The following NKTR variants were observed in gnomAD, a reference collection of about 807,000 sequenced individuals.
NKTR encodes the protein natural killer cell triggering receptor.
NKTR carries 67 observed loss-of-function variants against 156.3 expected under a neutral mutation model. The ratio of observed to expected loss-of-function variants is 0.43; its 90% confidence interval spans 0.35 to 0.53. The LOEUF is 0.53. Among genes scored for constraint, NKTR ranks in the 20% least tolerant of loss-of-function variants. NKTR has a pLI of 0.01. For missense variants in NKTR, 1,604 were observed against 1,730.9 expected, an observed-to-expected ratio of 0.93 and a Z score of 1.30; for synonymous variants, 640 against 596.6, an observed-to-expected ratio of 1.07 and a Z score of -1.06.
intron 6 of NKTR, chr3:42,629,921 A>G: frequency 1.0e-6 from 1 of 985,472 alleles, no homozygotes; most frequent in Non-Finnish European, 1.2e-6. Context: ...TTTTGCTGTC[A>G]GAAGGGATGG....
rs923134793 is a variant in NKTR at position 42,637,567 on chromosome 3, T to G, written c.1863T>G (p.Pro621=). 1 of 1,612,254 alleles carries G rather than the reference T, an allele frequency of 6.2e-7. No homozygotes were observed. Among genetic ancestry groups the G allele is most frequent in the African/African-American group, 1.3e-5 (1 of 74,714 alleles). Residue 621 remains proline, a synonymous_variant, in exon 13 of 17, where the codon CCT becomes CCG. Transcript: ENST00000232978. ...SDSPPPSRWK[P]GQKPWKPSYE... ...GTCCCCCCCCTTCAAGATGGAAGCCTGGACAGAAACCTTGGAAGCCCTCTT... is the reference window on the plus strand; with the variant it reads ...GTCCCCCCCCTTCAAGATGGAAGCCGGGACAGAAACCTTGGAAGCCCTCTT...
At chr3:42,629,517 C>A in intron 6 of NKTR, 1 of 982,196 alleles carries the variant, frequency 1.0e-6, no homozygotes, top group Non-Finnish European at 1.2e-6. Context: ...CTTAAAATTG[C>A]CTTAAAATGA....
chr3:42,607,525 A>C (rs542840048), intron 2 of NKTR, among the ~76,000 whole-genome samples: 1 of 152,242 alleles, frequency 6.6e-6, no homozygotes, highest in South Asian at 2.1e-4. Flanking sequence ...AAAAAGATGG[A>C]GACTGTTTTA....
At chr3:42,611,237 G>T (rs1706772128) in intron 2 of NKTR, 1 of 152,056 alleles carries the variant, frequency 6.6e-6, no homozygotes, top group Non-Finnish European at 1.5e-5. Context: ...TGTACTATCT[G>T]CAGGAAACCT....
At chr3:42,606,458 T>G (rs1405861700) in intron 2 of NKTR, among the ~76,000 whole-genome samples, 1 of 152,112 alleles carries the variant, frequency 6.6e-6, no homozygotes, top group Non-Finnish European at 1.5e-5. Flanking sequence ...GGCTTTCATA[T>G]TTAGGTATTG....
chr3:42,607,587 G>A (rs1438304752), intron 2 of NKTR, among the ~76,000 whole-genome samples: 1 of 152,106 alleles, frequency 6.6e-6, no homozygotes, highest in Non-Finnish European at 1.5e-5. Context: ...ATGCTTGAAT[G>A]AGATTCCTGG....
Position 42,647,693 on chromosome 3 carries a change from C to T in NKTR, c.*1718C>T, listed in dbSNP as rs140966748. On this transcript the variant is annotated 3_prime_UTR_variant, in exon 17 of 17. Transcript: ENST00000232978. ...TATATTAAAGGTTTCCAAAGGTTGC[C>T]TGCAAAGGAGAATATTACTACTAGT... 6.6e-6 allele frequency: 1 copy of T among 152,182 alleles called. No homozygotes were observed. The highest frequency in any genetic ancestry group is 2.4e-5 in the African/African-American group (1 of 41,516). 9.4% of individuals were successfully genotyped at this position (152,182 alleles called of 1,614,324 possible).
At chr3:42,644,084 G>T in intron 16 of NKTR, 81 bp downstream of exon 16, 1 of 798,728 alleles carries the variant, frequency 1.3e-6, no homozygotes. Flanking sequence ...TGGGCTGCTA[G>T]TGGAAGAGAA....
chr3:42,638,624 C>G lies in NKTR; in HGVS notation c.2920C>G (p.Pro974Ala). 6.2e-7 allele frequency: 1 copy of G among 1,613,400 alleles called. No homozygotes were observed. Among genetic ancestry groups the G allele is most frequent in the Non-Finnish European group, 8.5e-7 (1 of 1,179,854 alleles). ...CSNSENNRGK[P>A]QKHKHGSKEN... The stretch of plus-strand genomic sequence containing the variant: ...CAATTCGGAAAACAATAGGGGAAAG[C>G]CACAAAAGCACAAACATGGGTCAAA... The change falls in exon 13 of 17, where the codon CCA becomes GCA. Residue 974 changes from proline (P) to alanine (A), a missense_variant. Physicochemically the swap from Pro to Ala is conservative, Grantham distance 27. Coordinates refer to ENST00000232978, the MANE Select transcript of NKTR (RefSeq NM_005385.4).
intron 2 of NKTR, among the ~76,000 whole-genome samples, chr3:42,604,801 G>A (rs1430811727): frequency 6.7e-6 from 1 of 149,106 alleles, no homozygotes; most frequent in East Asian, 2.0e-4. Flanking sequence ...TGATTCTCGT[G>A]CCTCTGCCTC....
At chr3:42,628,347 T>G in intron 6 of NKTR, 1 of 985,410 alleles carries the variant, frequency 1.0e-6, no homozygotes, top group Non-Finnish European at 1.2e-6. Context: ...AGTTTTCATT[T>G]GAATTAAAAA....
chr3:42,643,317 T>TC lies in NKTR; in HGVS notation c.4143-20dup, dbSNP rs1342963455. 6 of 1,608,942 alleles carry TC rather than the reference T, an allele frequency of 3.7e-6. No individual in the cohort carries two copies. In the African/African-American group the frequency reaches 8.0e-5, roughly 22 times the overall value. On this transcript the variant is annotated intron_variant, in intron 14 of 16. Transcript: ENST00000232978. ...CCTGCCCTGATCTATAAGATGATGG[T>TC]CCTTCATGTGATTAATATTAGGACG... is the stretch of plus-strand genomic sequence containing the variant.
Position 42,621,439 on chromosome 3 carries a change from T to C in NKTR, c.297T>C (p.Phe99=), listed in dbSNP as rs774227960. The change falls in exon 6 of 17, where the codon TTT becomes TTC. Residue 99 remains phenylalanine (F), a synonymous_variant. Coordinates refer to ENST00000232978, the MANE Select transcript of NKTR (RefSeq NM_005385.4). ...GTTTTCTTCAAACAGATGAAAACTT[T>C]ATTCTCAAACATGACAGAGCGTTCC... ...IYGGYFKDEN[F]ILKHDRAFLL... is the part of the protein sequence containing the mutation. 2.1e-5 allele frequency: 34 copies of C among 1,606,548 alleles called. No homozygotes were observed. In the East Asian group the frequency reaches 7.6e-4, roughly 36 times the overall value.
At chr3:42,621,550 TAAAC>T (rs375060997) in intron 6 of NKTR, 34 bp downstream of exon 6, 7 of 1,598,256 alleles carry the variant, frequency 4.4e-6, no homozygotes, top group Non-Finnish European at 5.1e-6. Context: ...GAGCTTTTCT[TAAAC>T]AGAGAAGCGC....
chr3:42,629,557 A>G (rs1708704066), intron 6 of NKTR: 1 of 984,362 alleles, frequency 1.0e-6, no homozygotes. Flanking sequence ...AGCTTCTAGT[A>G]CAGTTGACTG....
chr3:42,621,203 A>G, intron 5 of NKTR: 1 of 1,139,264 alleles, frequency 8.8e-7, no homozygotes, highest in Non-Finnish European at 1.1e-6. Flanking sequence ...GTTTGTGTGA[A>G]GTATTAAATA....
intron 7 of NKTR, chr3:42,630,924 A>G (rs938512006): frequency 8.0e-6 from 11 of 1,379,912 alleles, no homozygotes; most frequent in Admixed American, 3.3e-5. Context: ...ATGTTACCAG[A>G]CTCTTTACCC....
rs1709559686 is a variant in NKTR, at chr3:42,637,859, T to C, written c.2155T>C (p.Ser719Pro). 6.2e-7 allele frequency: 1 copy of C among 1,613,958 alleles called. No homozygotes were observed. The highest frequency in any genetic ancestry group is 8.5e-7 in the Non-Finnish European group (1 of 1,179,890). Residue 719 changes from serine (S) to proline (P), a missense_variant, in exon 13 of 17, where the codon TCT (serine) becomes CCT (proline). By Grantham distance (74) the Ser-to-Pro change is moderately conservative. Transcript: ENST00000232978. The stretch of plus-strand genomic sequence containing the variant: ...TAGTCTAGCTAGTTCACATTCAAGG[T>C]CTAGGTCTCCATCATCTAGATCTCA... Reference protein sequence around the residue: ...SRSLASSHSRSRSPSSRSHSR... With the variant: ...SRSLASSHSRPRSPSSRSHSR...
At chr3:42,629,105 G>A (rs1708666150) in intron 6 of NKTR, 1 of 970,734 alleles carries the variant, frequency 1.0e-6, no homozygotes, top group Admixed American at 6.2e-5. Flanking sequence ...CTTTGGTAAA[G>A]TTTTATAATT....
Sources: gnomAD v4.1 joint callset for allele counts (sites outside exome capture counted in the v4.1 genomes callset) on GRCh38, gnomAD v4.1.1 for gene constraint, MANE v1.5 for transcripts, NCBI Gene and HGNC (gene_info 2026-07-23, HGNC 2026-07-21) for gene names.